LRRFIP2: variants seen among roughly 807,000 people sequenced by gnomAD.
LRRFIP2 encodes the protein leucine-rich repeat flightless-interacting protein 2.
A neutral mutation model predicts 125.9 loss-of-function variants in LRRFIP2; 109 were observed. The observed-to-expected ratio is 0.87, with a 90% CI of 0.74 to 1.01. LRRFIP2 has a LOEUF of 1.01. Ranked by LOEUF, LRRFIP2 falls within the 50% of genes least tolerant of loss-of-function variation. The pLI, the probability that LRRFIP2 is intolerant of heterozygous loss-of-function variation, is 0.00. For synonymous variants in LRRFIP2, 291 were observed against 293.1 expected (o/e 0.99, Z 0.07); for missense variants, 850 against 862.3 (o/e 0.99, Z 0.18).
intron 8 of LRRFIP2, among the ~76,000 whole-genome samples, chr3:37,111,275 T>C (rs2094536542): frequency 6.6e-6 from 1 of 152,176 alleles, no homozygotes; most frequent in South Asian, 2.1e-4. Flanking sequence ...TTTTTAAATT[T>C]AAAAACAAGA....
intron 18 of LRRFIP2, among the ~76,000 whole-genome samples, chr3:37,086,990 T>G (rs914886520): frequency 6.6e-6 from 1 of 151,690 alleles, no homozygotes; most frequent in Non-Finnish European, 1.5e-5. Context: ...GCCTCCCGAG[T>G]AACTGGGACC....
intron 15 of LRRFIP2, among the ~76,000 whole-genome samples, chr3:37,101,508 T>C (rs1392407391): frequency 1.3e-5 from 2 of 150,694 alleles, no homozygotes; most frequent in African/African-American, 4.9e-5. Context: ...CTACAAAAAA[T>C]ACAAAAATTA....
chr3:37,145,289 C>G (rs1235168332), intron 2 of LRRFIP2, among the ~76,000 whole-genome samples: 1 of 152,132 alleles, frequency 6.6e-6, no homozygotes, highest in African/African-American at 2.4e-5. Context: ...GACCTTTTGA[C>G]AGCAAAAATA....
chr3:37,065,716 T>TA, intron 23 of LRRFIP2, 94 bp downstream of exon 23: 1 of 1,496,560 alleles, frequency 6.7e-7, no homozygotes, highest in East Asian at 2.3e-5. Context: ...TCTCAGCCCT[T>TA]ATGCTGTTTT....
intron 24 of LRRFIP2, 29 bp downstream of exon 24, chr3:37,063,713 A>G (rs918244069): frequency 6.4e-7 from 1 of 1,562,058 alleles, no homozygotes; most frequent in Admixed American, 1.7e-5. Context: ...TGTTAAAATT[A>G]TATTACACTC....
intron 2 of LRRFIP2, chr3:37,135,215 C>T (rs1399183909): frequency 1.4e-6 from 1 of 711,536 alleles, no homozygotes; most frequent in African/African-American, 1.8e-5. Context: ...AATCCTAGCA[C>T]TTTGGGAGTC....
chr3:37,142,732 G>A (rs910147749), intron 2 of LRRFIP2, among the ~76,000 whole-genome samples: 8 of 152,128 alleles, frequency 5.3e-5, no homozygotes, highest in African/African-American at 1.9e-4. Context: ...CACATCATGA[G>A]CATCACTTCG....
At chr3:37,106,997 C>T (rs531732873) in intron 13 of LRRFIP2, among the ~76,000 whole-genome samples, 1 of 151,912 alleles carries the variant, frequency 6.6e-6, no homozygotes, top group East Asian at 1.9e-4. Flanking sequence ...CTCCACCTCC[C>T]GGGTTCAAGC....
chr3:37,117,173 C>T (rs76064483), intron 6 of LRRFIP2, among the ~76,000 whole-genome samples: 4 of 149,764 alleles, frequency 2.7e-5, no homozygotes, highest in African/African-American at 9.8e-5. Context: ...ACTCAAGTCA[C>T]ACATTCTAGC....
intron 8 of LRRFIP2, chr3:37,112,043 GT>G (rs2094563297): frequency 6.6e-6 from 1 of 152,240 alleles, no homozygotes; most frequent in African/African-American, 2.4e-5. Context: ...AATGTACCAA[GT>G]GGGCATTCTG....
chr3:37,067,053 G>A (rs559388112), intron 21 of LRRFIP2: 1 of 152,374 alleles, frequency 6.6e-6, no homozygotes, highest in African/African-American at 2.4e-5. Flanking sequence ...TCAGAATCAG[G>A]CTTTTGGGTT....
intron 6 of LRRFIP2, among the ~76,000 whole-genome samples, chr3:37,117,350 T>C (rs79891158): frequency 0.022 from 3,309 of 152,188 alleles, 115 homozygotes; most frequent in African/African-American, 0.076. Flanking sequence ...AAATATAATG[T>C]AGAATTCAGC....
At chr3:37,172,555 C>G (rs1197418863) in intron 1 of LRRFIP2, among the ~76,000 whole-genome samples, 1 of 152,108 alleles carries the variant, frequency 6.6e-6, no homozygotes, top group Non-Finnish European at 1.5e-5. Flanking sequence ...AATGTTTTAT[C>G]AATTTTTAAA....
At chr3:37,073,069 T>G (rs1251587473) in intron 20 of LRRFIP2, among the ~76,000 whole-genome samples, 187 bp from the exon 21 acceptor site, 1 of 152,250 alleles carries the variant, frequency 6.6e-6, no homozygotes, top group African/African-American at 2.4e-5. Context: ...GCCACAAGAT[T>G]CTTATTGGCT....
chr3:37,174,001 G>A (rs1465380476), intron 1 of LRRFIP2: 1 of 152,170 alleles, frequency 6.6e-6, no homozygotes, highest in Admixed American at 6.5e-5. Flanking sequence ...GGGAATCTGT[G>A]TTCACAGGGA....
chr3:37,143,604 G>T, intron 2 of LRRFIP2: 1 of 225,112 alleles, frequency 4.4e-6, no homozygotes, highest in Non-Finnish European at 9.4e-6. Context: ...TCAAAATTCA[G>T]AAGATTAGTA....
chr3:37,153,183 G>C (rs2096078925), intron 1 of LRRFIP2, among the ~76,000 whole-genome samples: 1 of 152,080 alleles, frequency 6.6e-6, no homozygotes, highest in African/African-American at 2.4e-5. Flanking sequence ...AACTGCTTGA[G>C]CATAGGAGTT....
chr3:37,082,291 G>T (rs990712570), intron 19 of LRRFIP2, among the ~76,000 whole-genome samples: 3 of 152,126 alleles, frequency 2.0e-5, no homozygotes, highest in Non-Finnish European at 4.4e-5. Context: ...GCTCTTCAAT[G>T]GGCCACTGTC....
chr3:37,066,426 T>C (rs1004670612), intron 21 of LRRFIP2, 101 bp from the exon 22 acceptor site: 10 of 911,048 alleles, frequency 1.1e-5, no homozygotes, highest in Non-Finnish European at 1.3e-5. Flanking sequence ...GATAAAGGCA[T>C]AAAAAGCAAG....
Sources: allele counts gnomAD v4.1 joint callset (sites outside exome capture counted in the v4.1 genomes callset), GRCh38; gene constraint gnomAD v4.1.1; transcripts MANE v1.5; gene names NCBI Gene and HGNC (gene_info 2026-07-23, HGNC 2026-07-21).